The following PLA2G2D variants were observed in gnomAD, a reference collection of about 807,000 sequenced individuals.
The protein encoded by PLA2G2D is phospholipase A2 group IID.
A neutral mutation model predicts 13.9 loss-of-function variants in PLA2G2D; 17 were observed. The observed-to-expected ratio is 1.23, with a 90% CI of 0.84 to 1.84. The LOEUF is 1.84. Among genes scored for constraint, PLA2G2D ranks in the 40% most tolerant of loss-of-function variants. The pLI is 0.00. For synonymous variants in PLA2G2D, 83 were observed against 69.3 expected (o/e 1.20, Z -0.98); for missense variants, 194 against 178.7 (o/e 1.09, Z -0.49).
chr1:20,116,619 G>C (rs1332115491), intron 1 of PLA2G2D, 142 bp from the exon 2 acceptor site: 1 of 708,228 alleles, frequency 1.4e-6, no homozygotes, highest in African/African-American at 1.8e-5. Context: ...ATCTACTACT[G>C]CTATTAAAAA....
intron 2 of PLA2G2D, among the ~76,000 whole-genome samples, chr1:20,115,863 C>T (rs1027321562): frequency 7.2e-5 from 11 of 152,220 alleles, no homozygotes; most frequent in African/African-American, 2.4e-4. Context: ...ATTATCCGCT[C>T]TTCAGAGATG....
At chr1:20,116,828 A>T (rs916420894) in intron 1 of PLA2G2D, among the ~76,000 whole-genome samples, 8 of 152,006 alleles carry the variant, frequency 5.3e-5, no homozygotes, top group African/African-American at 1.7e-4. Context: ...AAAACATCAA[A>T]AATTAACTGG....
chr1:20,113,909 A>G lies in PLA2G2D; in HGVS notation c.*205T>C. 2.1e-6 allele frequency: 1 copy of G among 483,436 alleles called. No individual in the cohort carries two copies. Among genetic ancestry groups the G allele is most frequent in the Admixed American group, 3.8e-5 (1 of 26,476 alleles). The allele number at this position is 483,436 out of a possible 1,614,324, so 29.9% of individuals were successfully genotyped here. On this transcript the variant is annotated 3_prime_UTR_variant, in exon 4 of 4. Transcript: ENST00000375105. ...TGCTTGGGCTTCTCCCAAGATTCCC[A>G]TCCACCCTCAGAGGACACAGCTACT... is the stretch of plus-strand genomic sequence containing the variant.
chr1:20,113,486 G>A lies in PLA2G2D; in HGVS notation c.*628C>T, dbSNP rs1282189883. On this transcript the variant is annotated 3_prime_UTR_variant, in exon 4 of 4. Transcript: ENST00000375105. ...TGGAGCCACAAGACCTGGCGGCTTTGTCTAGGCTTCACCCAAGAAGGATTT... is the reference window on the plus strand; with the variant it reads ...TGGAGCCACAAGACCTGGCGGCTTTATCTAGGCTTCACCCAAGAAGGATTT... 2 of 152,254 alleles carry A rather than the reference G, an allele frequency of 1.3e-5. No individual in the cohort carries two copies. The highest frequency in any genetic ancestry group is 2.9e-5 in the Non-Finnish European group (2 of 68,082). 9.4% of individuals were successfully genotyped at this position (152,254 alleles called of 1,614,324 possible).
At position 20,115,603 on chromosome 1, in the gene PLA2G2D, T is replaced by C. The variant is rs1436263754; in HGVS notation, c.196A>G (p.Thr66Ala). ...AGGTGGTCATAGCAGCAGTCATGGGTCTGGCAGCACCTGGAGCAGACAGGG... is the reference window on the plus strand; with the variant it reads ...AGGTGGTCATAGCAGCAGTCATGGGCCTGGCAGCACCTGGAGCAGACAGGG... ...PKDATDWCCQ[T>A]HDCCYDHLKT... Residue 66 changes from threonine to alanine, a missense_variant, in exon 3 of 4, where the codon ACC (threonine) becomes GCC (alanine). Thr to Ala is a moderately conservative substitution (Grantham distance 58). Coordinates refer to ENST00000375105, the MANE Select transcript of PLA2G2D (RefSeq NM_012400.4). 1.9e-6 allele frequency: 3 copies of C among 1,609,318 alleles called. No homozygotes were observed. The highest frequency in any genetic ancestry group is 4.5e-5 in the East Asian group (2 of 44,860).
intron 1 of PLA2G2D, among the ~76,000 whole-genome samples, chr1:20,118,415 G>A (rs1438980355): frequency 3.3e-5 from 5 of 152,152 alleles, no homozygotes; most frequent in Admixed American, 3.3e-4. Flanking sequence ...CTGGGGAGGT[G>A]TTGATGAACT....
intron 3 of PLA2G2D, among the ~76,000 whole-genome samples, chr1:20,114,532 G>A (rs1009044990): frequency 1.3e-5 from 2 of 152,196 alleles, no homozygotes; most frequent in African/African-American, 4.8e-5. Context: ...ACATGAGAGA[G>A]GGGCAGGTAT....
intron 1 of PLA2G2D, among the ~76,000 whole-genome samples, chr1:20,118,134 C>A (rs911394018): frequency 1.3e-5 from 2 of 152,152 alleles, no homozygotes; most frequent in African/African-American, 4.8e-5. Flanking sequence ...CAACTGCAAA[C>A]GGAGAGTCCA....
At chr1:20,118,411 A>G (rs1241691452) in intron 1 of PLA2G2D, among the ~76,000 whole-genome samples, 1 of 152,038 alleles carries the variant, frequency 6.6e-6, no homozygotes, top group Non-Finnish European at 1.5e-5. Flanking sequence ...GTGGCTGGGG[A>G]GGTGTTGATG....
In PLA2G2D at chr1:20,115,106, C is replaced by T. The variant is rs62541893; in HGVS notation, c.292+401G>A. 9.2e-5 allele frequency among the ~76,000 whole-genome samples: 14 copies of T among 152,214 alleles called. No homozygotes were observed. In the East Asian group the frequency reaches 2.1e-3, roughly 23 times the overall value. ...TTTGCCGATCCTCGACAGGCTGCCA[C>T]GAGCATCAGTGATGATGAAAGTAAC... On this transcript the variant is annotated intron_variant, in intron 3 of 3. Transcript: ENST00000375105.
rs1324804764 is a variant in PLA2G2D, at chr1:20,113,181, T to A, written c.*933A>T. 1.3e-5 allele frequency: 2 copies of A among 152,328 alleles called. No homozygotes were observed. Among genetic ancestry groups the A allele is most frequent in the African/African-American group, 4.8e-5 (2 of 41,438 alleles). 9.4% of individuals were successfully genotyped at this position (152,328 alleles called of 1,614,324 possible). A position where few individuals can be genotyped will look rare whatever the true frequency, so the allele number is the denominator to read the frequency against. Reference sequence around the variant, plus strand: ...GACATGGTCTCCATCCTTCGGGGGCTCCAGTCTAGTTGGGGGAGATCAGAG... The same window carrying A: ...GACATGGTCTCCATCCTTCGGGGGCACCAGTCTAGTTGGGGGAGATCAGAG... On this transcript the variant is annotated 3_prime_UTR_variant, in exon 4 of 4. Transcript: ENST00000375105.
At position 20,113,877 on chromosome 1, in the gene PLA2G2D, G is replaced by C; in HGVS notation, c.*237C>G. 2.2e-6 allele frequency: 1 copy of C among 459,650 alleles called. No homozygotes were observed. Among genetic ancestry groups the C allele is most frequent in the South Asian group, 4.3e-5 (1 of 23,394 alleles). The allele number at this position is 459,650 out of a possible 1,614,324, so 28.5% of individuals were successfully genotyped here. On this transcript the variant is annotated 3_prime_UTR_variant, in exon 4 of 4. Coordinates refer to ENST00000375105, the MANE Select transcript of PLA2G2D (RefSeq NM_012400.4). ...TTTGGTCCAAACACCACCTCTGAGG[G>C]CTCCCTTGCTTGGGCTTCTCCCAAG... is the stretch of plus-strand genomic sequence containing the variant.
chr1:20,118,520 A>G (rs896952655), intron 1 of PLA2G2D, among the ~76,000 whole-genome samples: 1 of 152,160 alleles, frequency 6.6e-6, no homozygotes, highest in East Asian at 1.9e-4. Context: ...GGATGGACAC[A>G]GTGGGTGGGA....
rs528032854 is a variant in PLA2G2D at position 20,116,558 on chromosome 1, C to T, written c.41-81G>A. 153 of 1,339,452 alleles carry T rather than the reference C, an allele frequency of 1.1e-4. No homozygotes were observed. The African/African-American group carries it at 2.0e-3, about 17-fold the overall frequency. The allele number at this position is 1,339,452 out of a possible 1,614,324, so 83.0% of individuals were successfully genotyped here. A position where few individuals can be genotyped will look rare whatever the true frequency, so the allele number is the denominator to read the frequency against. On this transcript the variant is annotated intron_variant, in intron 1 of 3. Transcript: ENST00000375105. The stretch of plus-strand genomic sequence containing the variant: ...CAATGGGCACAGGACGGCACCTCTG[C>T]TCTGCCCAGACCAAATGAGTGACCT...
intron 3 of PLA2G2D, among the ~76,000 whole-genome samples, chr1:20,114,822 C>T (rs2016950834): frequency 6.6e-6 from 1 of 152,166 alleles, no homozygotes; most frequent in Non-Finnish European, 1.5e-5. Context: ...AGACAAGGCA[C>T]TTAGCCTATA....
intron 3 of PLA2G2D, among the ~76,000 whole-genome samples, chr1:20,114,887 A>C (rs1320553688): frequency 3.3e-5 from 5 of 152,180 alleles, no homozygotes; most frequent in Non-Finnish European, 7.3e-5. Context: ...GAAGCCCTCA[A>C]TTAACAGCAG....
chr1:20,113,950 A>C lies in PLA2G2D; in HGVS notation c.*164T>G. On this transcript the variant is annotated 3_prime_UTR_variant, in exon 4 of 4. Transcript: ENST00000375105. ...CACAGCTACTGCCTCAACTGGGAGG[A>C]TTCGGAAAGCTTCAGAAGGTCAGAA... 1.8e-6 allele frequency: 1 copy of C among 560,116 alleles called. No individual in the cohort carries two copies. The highest frequency in any genetic ancestry group is 3.4e-5 in the Admixed American group (1 of 29,414). The allele number at this position is 560,116 out of a possible 1,614,324, so 34.7% of individuals were successfully genotyped here.
intron 3 of PLA2G2D, 117 bp downstream of exon 3, chr1:20,115,390 C>T: frequency 1.4e-6 from 1 of 713,140 alleles, no homozygotes; most frequent in Admixed American, 2.0e-5. Context: ...CAACTGCAGC[C>T]AGTGGACCCA....
chr1:20,116,307 A>G (rs2016988676), intron 2 of PLA2G2D, 26 bp downstream of exon 2: 1 of 1,612,302 alleles, frequency 6.2e-7, no homozygotes. Context: ...ACAGTATAGG[A>G]TTGCCAGCCC....
Sources: gnomAD v4.1 joint callset for allele counts (sites outside exome capture counted in the v4.1 genomes callset) on GRCh38, gnomAD v4.1.1 for gene constraint, MANE v1.5 for transcripts, NCBI Gene and HGNC (gene_info 2026-07-23, HGNC 2026-07-21) for gene names.